Variants in CCDC68 observed in about 807,000 individuals in gnomAD.
CCDC68 encodes the protein coiled-coil domain-containing protein 68.
Under a neutral mutation model 47.1 loss-of-function variants are expected in CCDC68, and 45 were observed. That is an observed-to-expected ratio of 0.96 (90% CI 0.75 to 1.23). The LOEUF (loss-of-function observed/expected upper bound fraction) is 1.23. Among genes scored for constraint, CCDC68 ranks in the 50% most tolerant of loss-of-function variants. The probability of loss-of-function intolerance (pLI) is 0.00; values close to 1 mark genes in which losing one functional copy is unlikely to be tolerated. For synonymous variants in CCDC68, 131 were observed against 129.5 expected, an observed-to-expected ratio of 1.01 and a Z score of -0.08; for missense variants, 353 against 373.6, an observed-to-expected ratio of 0.94 and a Z score of 0.45.
chr18:54,915,176 T>C (rs1440257910), intron 10 of CCDC68, among the ~76,000 whole-genome samples: 2 of 152,244 alleles, frequency 1.3e-5, no homozygotes, highest in Non-Finnish European at 2.9e-5. Context: ...CAGTAAGCTA[T>C]TGGAGCCACA....
rs144855291 is a variant in CCDC68 at position 54,928,721 on chromosome 18, C to T, written c.683+79G>A. 1.3e-3 allele frequency: 1,103 copies of T among 874,576 alleles called. 12 individuals carry two copies. The African/African-American group carries it at 0.016, about 13-fold the overall frequency. The allele number at this position is 874,576 out of a possible 1,614,324, so 54.2% of individuals were successfully genotyped here. ...CCTATTTCTTTGGGGGACAGAAGGT[C>T]TTCTGTTCCCTGGCTGGCATACCAG... On this transcript the variant is annotated intron_variant, in intron 8 of 11. Transcript: ENST00000591504.
At chr18:54,928,963 T>C (rs2044195966) in intron 7 of CCDC68, 81 bp from the exon 8 acceptor site, 1 of 757,250 alleles carries the variant, frequency 1.3e-6, no homozygotes, top group South Asian at 1.6e-5. Flanking sequence ...ACTATAACTA[T>C]GGCTTGAGCT....
chr18:54,935,801 G>A (rs2145543957), intron 6 of CCDC68, among the ~76,000 whole-genome samples: 1 of 152,296 alleles, frequency 6.6e-6, no homozygotes, highest in South Asian at 2.1e-4. Context: ...AGCCTGAGCT[G>A]ACAGACACCT....
In CCDC68 at chr18:54,934,890, A is replaced by G. The variant is rs770491490; in HGVS notation, c.530T>C (p.Val177Ala). 2.5e-6 allele frequency: 4 copies of G among 1,603,016 alleles called. No individual in the cohort carries two copies. The highest frequency in any genetic ancestry group is 1.7e-4 in the Middle Eastern group (1 of 6,020). Reference protein sequence around the residue: ...LKQHVENLNQVAEKLEEKHSQ... With the variant: ...LKQHVENLNQAAEKLEEKHSQ... ...GTGTTTTTCTTCAAGTTTTTCAGCAACTTGATTCAGATTTTCAACATGTTG... is the reference window on the plus strand; with the variant it reads ...GTGTTTTTCTTCAAGTTTTTCAGCAGCTTGATTCAGATTTTCAACATGTTG... The change falls in exon 7 of 12, where the codon GTT becomes GCT. Residue 177 changes from valine (V) to alanine (A), a missense_variant. Physicochemically the swap from Val to Ala is moderately conservative, Grantham distance 64. Transcript: ENST00000591504.
intron 10 of CCDC68, among the ~76,000 whole-genome samples, chr18:54,916,854 G>A (rs531249198): frequency 1.3e-5 from 2 of 152,268 alleles, no homozygotes; most frequent in Admixed American, 6.5e-5. Flanking sequence ...AATCATGGTG[G>A]CAATTTCTCC....
intron 3 of CCDC68, among the ~76,000 whole-genome samples, chr18:54,942,266 G>C (rs1010544512): frequency 1.3e-5 from 2 of 152,174 alleles, no homozygotes; most frequent in Non-Finnish European, 2.9e-5. Flanking sequence ...ACTGTGAAAA[G>C]GAACAAGGTA....
chr18:54,948,978 G>C (rs982969183), intron 1 of CCDC68, among the ~76,000 whole-genome samples: 1 of 152,136 alleles, frequency 6.6e-6, no homozygotes, highest in African/African-American at 2.4e-5. Context: ...CAGGTGCCTA[G>C]AGCAGTGTTT....
chr18:54,908,901 G>T (rs990412880), intron 10 of CCDC68, among the ~76,000 whole-genome samples: 10 of 151,936 alleles, frequency 6.6e-5, no homozygotes, highest in Non-Finnish European at 2.9e-5. Flanking sequence ...GTAGAGACAG[G>T]GTTTCACCAA....
chr18:54,947,402 C>G (rs2044545621), intron 1 of CCDC68, among the ~76,000 whole-genome samples: 1 of 152,162 alleles, frequency 6.6e-6, no homozygotes, highest in African/African-American at 2.4e-5. Flanking sequence ...TTCTGTCTCA[C>G]ACACTGAATT....
rs141074468 is a variant in CCDC68, at chr18:54,936,955, G to C, written c.349C>G (p.Gln117Glu). 2.0e-4 allele frequency: 321 copies of C among 1,613,804 alleles called. 1 individual carries two copies. In the African/African-American group the frequency reaches 4.0e-3, roughly 20 times the overall value. ...GCTGCTCCTGCTTCTCTGGAGGCTT[G>C]CAGCTAGAAAAAAGGTCACTATGCA... ...KENEVLKIKLQASREAGAAAL... is the reference protein window; with the variant it reads ...KENEVLKIKLEASREAGAAAL... Residue 117 changes from glutamine to glutamate, a missense_variant, in exon 6 of 12, where the codon CAA (glutamine) becomes GAA (glutamate). Coordinates refer to ENST00000591504, the MANE Select transcript of CCDC68 (RefSeq NM_025214.3).
At chr18:54,921,899 C>T (rs1190427152) in intron 8 of CCDC68, among the ~76,000 whole-genome samples, 1 of 152,308 alleles carries the variant, frequency 6.6e-6, no homozygotes, top group East Asian at 1.9e-4. Context: ...CCATACCTGG[C>T]AGAAAGCCTC....
rs116396640 is a variant in CCDC68 at position 54,934,424 on chromosome 18, G to A, written c.600+396C>T. ...ACTTGGGTGGCCAAAAATGGATACTGCACTGACTCTAATACATAAAAATGC... is the reference window on the plus strand; with the variant it reads ...ACTTGGGTGGCCAAAAATGGATACTACACTGACTCTAATACATAAAAATGC... On this transcript the variant is annotated intron_variant, in intron 7 of 11. Transcript: ENST00000591504. Among the ~76,000 whole-genome samples the A allele has an allele frequency of 7.0e-3, 1,064 of 152,310 alleles. 7 individuals are homozygous for A. The highest frequency in any genetic ancestry group is 0.031 in the Middle Eastern group (9 of 294).
chr18:54,907,990 A>G (rs1362699262), intron 10 of CCDC68, 128 bp from the exon 11 acceptor site: 1 of 622,596 alleles, frequency 1.6e-6, no homozygotes, highest in Non-Finnish European at 2.9e-6. Flanking sequence ...GTTATGCTAT[A>G]GAACACAGAA....
At position 54,936,847 on chromosome 18, in the gene CCDC68, T is replaced by C. The variant is rs1401597581; in HGVS notation, c.457A>G (p.Lys153Glu). ...ATGTTTGGTACCTGGAGTAATTGTTTACTGTCCTCCTGCTTCTTTCTCACT... is the reference window on the plus strand; with the variant it reads ...ATGTTTGGTACCTGGAGTAATTGTTCACTGTCCTCCTGCTTCTTTCTCACT... ...EEVRKKQEDS[K>E]QLLQVNKLEK... is the part of the protein sequence containing the mutation. Residue 153 changes from lysine to glutamate, a missense_variant, in exon 6 of 12, where the codon AAA becomes GAA. Transcript: ENST00000591504. 7.4e-6 allele frequency: 12 copies of C among 1,614,192 alleles called. No individual in the cohort carries two copies. Among genetic ancestry groups the C allele is most frequent in the Non-Finnish European group, 1.0e-5 (12 of 1,180,014 alleles).
chr18:54,916,322 G>A (rs909969479), intron 10 of CCDC68, among the ~76,000 whole-genome samples: 1 of 152,068 alleles, frequency 6.6e-6, no homozygotes, highest in Non-Finnish European at 1.5e-5. Context: ...CTGCTGGGAA[G>A]GTAGAAATGG....
chr18:54,931,198 T>G (rs1042817652), intron 7 of CCDC68, among the ~76,000 whole-genome samples: 5 of 152,168 alleles, frequency 3.3e-5, no homozygotes, highest in African/African-American at 9.7e-5. Context: ...ACCGGACAAG[T>G]AAATGCTCTC....
intron 4 of CCDC68, among the ~76,000 whole-genome samples, chr18:54,939,343 C>G (rs1463892579): frequency 2.0e-5 from 3 of 151,752 alleles, no homozygotes; most frequent in Non-Finnish European, 4.4e-5. Context: ...CTACAAAGAT[C>G]ATTGATCAGT....
chr18:54,924,732 C>G (rs1039518831), intron 8 of CCDC68, among the ~76,000 whole-genome samples: 8 of 152,196 alleles, frequency 5.3e-5, no homozygotes, highest in Non-Finnish European at 2.9e-5. Context: ...CTCAATTTCT[C>G]TACTCCCCAA....
At position 54,934,838 on chromosome 18, in the gene CCDC68, A is replaced by G. The variant is rs1372238099; in HGVS notation, c.582T>C (p.Leu194=). The G allele has an allele frequency of 1.3e-6, 2 of 1,589,658 alleles. No individual in the cohort carries two copies. Among genetic ancestry groups the G allele is most frequent in the Non-Finnish European group, 1.7e-6 (2 of 1,169,548 alleles). ...KHSQITELEN[L]VQRMEKEKRT... ...GGCGTACCTTTTCCATTCTCTGTAC[A>G]AGGTTCTCCAATTCTGTAATTTGAC... is the stretch of plus-strand genomic sequence containing the variant. The change falls in exon 7 of 12, where the codon CTT becomes CTC. Residue 194 remains leucine, a synonymous_variant. Coordinates refer to ENST00000591504, the MANE Select transcript of CCDC68 (RefSeq NM_025214.3).
Sources: gnomAD v4.1 joint callset for allele counts (sites outside exome capture counted in the v4.1 genomes callset) on GRCh38, gnomAD v4.1.1 for gene constraint, MANE v1.5 for transcripts, NCBI Gene and HGNC (gene_info 2026-07-23, HGNC 2026-07-21) for gene names.